The following CTNNA2 variants were observed in gnomAD, a reference collection of about 807,000 sequenced individuals.
The protein encoded by CTNNA2 is catenin alpha 2.
A neutral mutation model predicts 101.0 loss-of-function variants in CTNNA2; 42 were observed. The observed-to-expected ratio is 0.42, with a 90% confidence interval of 0.32 to 0.54. The LOEUF (loss-of-function observed/expected upper bound fraction) is 0.54, where lower values mean the gene tolerates loss of function less well. Ranked by LOEUF, CTNNA2 falls within the 20% of genes least tolerant of loss-of-function variation. The pLI is 0.14. For missense variants in CTNNA2, 871 were observed against 1,223.1 expected (o/e 0.71, Z 4.29); for synonymous variants, 450 against 456.4 (o/e 0.99, Z 0.18).
intron 7 of CTNNA2, among the ~76,000 whole-genome samples, chr2:79,946,694 G>A (rs1358269989): frequency 2.6e-5 from 4 of 152,152 alleles, no homozygotes; most frequent in Non-Finnish European, 4.4e-5. Context: ...CAGGCACTGT[G>A]TTCTGAGCCC....
intron 2 of CTNNA2, among the ~76,000 whole-genome samples, chr2:79,739,155 G>C (rs768696835): frequency 2.0e-5 from 3 of 150,408 alleles, no homozygotes; most frequent in Admixed American, 6.6e-5. Context: ...GATCTTGAGT[G>C]ATCCTTGCCT....
chr2:79,920,734 G>A (rs1686595509), intron 7 of CTNNA2, among the ~76,000 whole-genome samples: 1 of 152,174 alleles, frequency 6.6e-6, no homozygotes, highest in Non-Finnish European at 1.5e-5. Flanking sequence ...TATAGTTAAA[G>A]CTTTATTTAA....
chr2:79,912,241 C>T (rs1451851132), intron 7 of CTNNA2, among the ~76,000 whole-genome samples: 2 of 152,192 alleles, frequency 1.3e-5, no homozygotes, highest in Non-Finnish European at 2.9e-5. Context: ...TTACACAATG[C>T]TTGCTTGTGG....
chr2:80,272,701 A>G (rs1359112801), intron 7 of CTNNA2, among the ~76,000 whole-genome samples: 1 of 152,160 alleles, frequency 6.6e-6, no homozygotes, highest in Non-Finnish European at 1.5e-5. Context: ...TTAATTTCAG[A>G]TAGTTGTTTA....
intron 7 of CTNNA2, among the ~76,000 whole-genome samples, chr2:80,075,661 TATACATGTATAAATATTATAAAA>T (rs1189918899): frequency 8.5e-6 from 1 of 117,722 alleles, no homozygotes; most frequent in Non-Finnish European, 1.6e-5. Flanking sequence ...AAATAATATT[TATACATGTATAAATATTATAAAA>T]ATAATATTTA....
chr2:79,282,082 C>T (rs1404555815), intron 2 of CTNNA2, among the ~76,000 whole-genome samples: 1 of 151,894 alleles, frequency 6.6e-6, no homozygotes, highest in Non-Finnish European at 1.5e-5. Context: ...CTTCAAGATA[C>T]CTTTACATGA....
rs189162873 is a variant in CTNNA2, at chr2:79,940,424, A to G, written c.1056+30627A>G. 2.4e-3 allele frequency among the ~76,000 whole-genome samples: 362 copies of G among 152,294 alleles called. 1 individual carries two copies. The highest frequency in any genetic ancestry group is 8.0e-3 in the African/African-American group (332 of 41,568). On this transcript the variant is annotated intron_variant, in intron 7 of 18. Transcript: ENST00000402739. ...GATAAATACCGATTTGATCTTTGGC[A>G]TTATTTTTTGCTTGGGGAATACTCA...
chr2:79,589,074 T>A (rs1676681194), intron 1 of CTNNA2, among the ~76,000 whole-genome samples: 1 of 152,188 alleles, frequency 6.6e-6, no homozygotes, highest in African/African-American at 2.4e-5. Flanking sequence ...CCTAGTTCTG[T>A]GTTATTAGCT....
At chr2:79,983,424 G>A (rs1036039667) in intron 7 of CTNNA2, among the ~76,000 whole-genome samples, 4 of 152,050 alleles carry the variant, frequency 2.6e-5, no homozygotes, top group African/African-American at 4.8e-5. Context: ...GACCCAGTGC[G>A]ACAGTACAGA....
intron 9 of CTNNA2, among the ~76,000 whole-genome samples, chr2:80,474,502 G>C (rs192664314): frequency 6.5e-4 from 99 of 152,226 alleles, no homozygotes; most frequent in African/African-American, 1.8e-3. Context: ...GGTTTAGAAG[G>C]CAAGAGGTAA....
chr2:79,199,308 G>T (rs1054034364), intron 2 of CTNNA2, among the ~76,000 whole-genome samples: 2 of 152,058 alleles, frequency 1.3e-5, no homozygotes, highest in East Asian at 1.9e-4. Flanking sequence ...TAAATGCAAA[G>T]TTCCCTATTC....
chr2:79,928,358 T>C (rs1480008289), intron 7 of CTNNA2, among the ~76,000 whole-genome samples: 1 of 152,198 alleles, frequency 6.6e-6, no homozygotes, highest in African/African-American at 2.4e-5. Context: ...TACAAAACAC[T>C]ATTGTAGATA....
At chr2:80,525,574 A>G (rs1374301984) in intron 9 of CTNNA2, among the ~76,000 whole-genome samples, 1 of 152,066 alleles carries the variant, frequency 6.6e-6, no homozygotes, top group East Asian at 1.9e-4. Context: ...TGACTTTCCA[A>G]TTTCCCCCTC....
At chr2:80,627,910 C>G (rs1312818318) in intron 18 of CTNNA2, among the ~76,000 whole-genome samples, 5 of 152,090 alleles carry the variant, frequency 3.3e-5, no homozygotes, top group Non-Finnish European at 5.9e-5. Context: ...GCAACTTCAG[C>G]AAAGTCTCAG....
At chr2:79,293,042 T>C (rs1675867575) in intron 2 of CTNNA2, 1 of 152,280 alleles carries the variant, frequency 6.6e-6, no homozygotes, top group Non-Finnish European at 1.5e-5. Flanking sequence ...CATCTCTTTC[T>C]ACTTCAACTT....
intron 4 of CTNNA2, among the ~76,000 whole-genome samples, chr2:79,428,513 T>C (rs1181167897): frequency 6.6e-6 from 1 of 152,136 alleles, no homozygotes; most frequent in African/African-American, 2.4e-5. Flanking sequence ...AAGGAACTTC[T>C]GTCCTGGGGC....
At chr2:80,630,768 T>C (rs2149829687) in intron 18 of CTNNA2, among the ~76,000 whole-genome samples, 1 of 152,278 alleles carries the variant, frequency 6.6e-6, no homozygotes, top group African/African-American at 2.4e-5. Flanking sequence ...GTTAAGAACA[T>C]AAGGCTAAGG....
chr2:79,747,671 A>G (rs1189327156), intron 3 of CTNNA2, among the ~76,000 whole-genome samples: 1 of 152,246 alleles, frequency 6.6e-6, no homozygotes, highest in Non-Finnish European at 1.5e-5. Flanking sequence ...TCTCGTGGAT[A>G]TAATACAATA....
intron 2 of CTNNA2, among the ~76,000 whole-genome samples, chr2:79,702,103 T>TACTCAAA (rs1685050024): frequency 6.7e-6 from 1 of 150,166 alleles, no homozygotes; most frequent in South Asian, 2.1e-4. Context: ...ATGAATGGGG[T>TACTCAAA]ACTCAAAGTC....
Sources: gnomAD v4.1 joint callset for allele counts (sites outside exome capture counted in the v4.1 genomes callset) on GRCh38, gnomAD v4.1.1 for gene constraint, MANE v1.5 for transcripts, NCBI Gene and HGNC (gene_info 2026-07-23, HGNC 2026-07-21) for gene names.